USP36: variants seen among roughly 807,000 people sequenced by gnomAD.
The protein encoded by USP36 is ubiquitin specific peptidase 36.
USP36 carries 59 observed loss-of-function variants against 111.5 expected under a neutral mutation model. The ratio of observed to expected loss-of-function variants is 0.53; its 90% CI spans 0.43 to 0.66. USP36 has a LOEUF of 0.66. Among genes scored for constraint, USP36 ranks in the 30% least tolerant of loss-of-function variants. The pLI, the probability that USP36 is intolerant of heterozygous loss-of-function variation, is 0.00. For missense variants in USP36, 1,488 were observed against 1,468.0 expected (o/e 1.01, Z -0.22); for synonymous variants, 628 against 581.0 (o/e 1.08, Z -1.16).
At chr17:78,815,698 A>G (rs1200186119) in intron 10 of USP36, among the ~76,000 whole-genome samples, 1 of 125,448 alleles carries the variant, frequency 8.0e-6, no homozygotes, top group Admixed American at 7.9e-5. Context: ...AAAACTGACC[A>G]ATTTTTCATA....
chr17:78,813,467 G>A (rs934007287), intron 12 of USP36, among the ~76,000 whole-genome samples: 1 of 152,146 alleles, frequency 6.6e-6, no homozygotes, highest in East Asian at 1.9e-4. Context: ...ACACGGGAAG[G>A]GGCATTGGCT....
chr17:78,816,354 G>C (rs1401935241), intron 10 of USP36, among the ~76,000 whole-genome samples: 1 of 151,998 alleles, frequency 6.6e-6, no homozygotes, highest in Non-Finnish European at 1.5e-5. Context: ...GGCCGGGCAT[G>C]ATGGCTCACA....
intron 9 of USP36, chr17:78,819,029 C>T (rs2094254789): frequency 3.1e-6 from 1 of 325,060 alleles, no homozygotes; most frequent in African/African-American, 2.1e-5. Flanking sequence ...CTGTACCCAC[C>T]AGGAAACTAA....
chr17:78,823,304 G>C, intron 6 of USP36: 1 of 397,634 alleles, frequency 2.5e-6, no homozygotes, highest in East Asian at 3.6e-5. Context: ...TGAGAACTGT[G>C]GGTAGCTGCG....
intron 17 of USP36, 116 bp from the exon 18 acceptor site, chr17:78,799,884 T>A (rs2093697828): frequency 3.7e-6 from 2 of 539,512 alleles, no homozygotes; most frequent in Non-Finnish European, 5.6e-6. Context: ...TGCCTTTTTT[T>A]TTTTTTTTTT....
In USP36 at chr17:78,798,650, C is replaced by A; in HGVS notation, c.3241-99G>T. On this transcript the variant is annotated intron_variant, in intron 19 of 20. Coordinates refer to ENST00000449938, the MANE Select transcript of USP36 (RefSeq NM_001385174.1). The surrounding 1 kb of genome is among the most constrained non-coding windows in gnomAD (Gnocchi z 5.1). ...GCAGGTCCTGCACACAGGCCGGGCTCTCATGAGCTCTCTGGAGACCCACTC... is the reference window on the plus strand; with the variant it reads ...GCAGGTCCTGCACACAGGCCGGGCTATCATGAGCTCTCTGGAGACCCACTC... 1 of 1,553,092 alleles carries A rather than the reference C, an allele frequency of 6.4e-7. No homozygotes were observed.
Position 78,797,081 on chromosome 17 carries a change from A to G in USP36, c.*819T>C, listed in dbSNP as rs2093640417. On this transcript the variant is annotated 3_prime_UTR_variant, in exon 21 of 21. Coordinates refer to ENST00000449938, the MANE Select transcript of USP36 (RefSeq NM_001385174.1). ...AAGCCACAGGACTGGTCAAAAATAA[A>G]TGTTTTGTATTAAGTAGTAAAATAA... The G allele has an allele frequency of 6.6e-6, 1 of 152,202 alleles. No homozygotes were observed. The highest frequency in any genetic ancestry group is 2.4e-5 in the African/African-American group (1 of 41,448). 9.4% of individuals were successfully genotyped at this position (152,202 alleles called of 1,614,324 possible). A position where few individuals can be genotyped will look rare whatever the true frequency, so the allele number is the denominator to read the frequency against.
downstream of USP36, among the ~76,000 whole-genome samples, chr17:78,793,515 G>A (rs866606914): frequency 5.3e-5 from 8 of 152,308 alleles, no homozygotes; most frequent in Admixed American, 2.0e-4. Context: ...GGATCTGCAC[G>A]AAGCAGCAGC....
chr17:78,807,663 A>T, intron 13 of USP36, 27 bp from the exon 14 acceptor site: 1 of 1,510,536 alleles, frequency 6.6e-7, no homozygotes, highest in East Asian at 2.3e-5. Flanking sequence ...AGAAAACACA[A>T]CTGAGGAAGC....
At position 78,820,977 on chromosome 17, in the gene USP36, G is replaced by A. The variant is rs8182240; in HGVS notation, c.828+14C>T. 5.2e-5 allele frequency: 83 copies of A among 1,605,020 alleles called. 1 individual carries two copies. The East Asian group carries it at 1.7e-3, about 32-fold the overall frequency. Reference sequence around the variant, plus strand: ...TCTCCTACTGCAAAAGTGAAGGGCAGGACAGATCTGTACCCGGATCTCCAG... The same window carrying A: ...TCTCCTACTGCAAAAGTGAAGGGCAAGACAGATCTGTACCCGGATCTCCAG... On this transcript the variant is annotated intron_variant, in intron 8 of 20. Transcript: ENST00000449938.
chr17:78,809,529 C>T (rs906409122), intron 13 of USP36, among the ~76,000 whole-genome samples: 1 of 152,068 alleles, frequency 6.6e-6, no homozygotes, highest in Non-Finnish European at 1.5e-5. Context: ...GTCAGTGAAG[C>T]GCCCCTGCAG....
intron 1 of USP36, among the ~76,000 whole-genome samples, chr17:78,839,341 A>G (rs977337983): frequency 6.6e-6 from 1 of 152,158 alleles, no homozygotes; most frequent in Non-Finnish European, 1.5e-5. Flanking sequence ...TCCCCAGGTA[A>G]TTCTACAGCA....
intron 3 of USP36, among the ~76,000 whole-genome samples, chr17:78,790,105 T>C (rs913015897): frequency 8.5e-5 from 13 of 152,158 alleles, no homozygotes; most frequent in Non-Finnish European, 1.3e-4. Flanking sequence ...TTTTTTTTTT[T>C]TGAGACGAAG....
rs762990745 is a variant in USP36 at position 78,807,521 on chromosome 17, T to C, written c.1523A>G (p.Lys508Arg). Residue 508 changes from lysine (K) to arginine (R), a missense_variant, in exon 14 of 21, where the codon AAG becomes AGG. Physicochemically the swap from Lys to Arg is conservative, Grantham distance 26. Around this residue, in one of 3 missense-constraint regions of USP36, gnomAD observed 1,073 missense variants for 994.1 expected, o/e 1.08. Transcript: ENST00000449938. ...LKSQNGCIPP[K>R]LPSGSPSPKL... is the part of the protein sequence containing the mutation. ...GGGGGAAGGGGACCCCGAGGGCAGC[T>C]TTGGAGGAATGCAGCCGTTCTGGGA... The C allele has an allele frequency of 6.2e-7, 1 of 1,613,766 alleles. No homozygotes were observed. The highest frequency in any genetic ancestry group is 1.1e-5 in the South Asian group (1 of 91,008).
chr17:78,803,261 C>T lies in USP36; in HGVS notation c.2810+124G>A. 9.3e-7 allele frequency: 1 copy of T among 1,079,504 alleles called. No homozygotes were observed. The highest frequency in any genetic ancestry group is 1.3e-6 in the Non-Finnish European group (1 of 752,996). 66.9% of individuals were successfully genotyped at this position (1,079,504 alleles called of 1,614,324 possible). A position where few individuals can be genotyped will look rare whatever the true frequency, so the allele number is the denominator to read the frequency against. Reference sequence around the variant, plus strand: ...CAGAGGAGACATCTGATCACAAATCCACATTTTAGAAAACCACGCAAGCAG... The same window carrying T: ...CAGAGGAGACATCTGATCACAAATCTACATTTTAGAAAACCACGCAAGCAG... On this transcript the variant is annotated intron_variant, in intron 16 of 20. Transcript: ENST00000449938. The surrounding 1 kb of genome is among the most constrained non-coding windows in gnomAD (Gnocchi z 4.6).
In USP36 at chr17:78,819,888, C is replaced by T. The variant is rs73394990; in HGVS notation, c.911+42G>A. 7,518 of 1,597,332 alleles carry T rather than the reference C, an allele frequency of 4.7e-3. 316 individuals carry two copies. The African/African-American group carries it at 0.086, about 18-fold the overall frequency. On this transcript the variant is annotated intron_variant, in intron 9 of 20. Transcript: ENST00000449938. The stretch of plus-strand genomic sequence containing the variant: ...CTGTCAGGTGAGGGGACTTATTTCC[C>T]GTCTGGTATCAGTCTTCTGCCACAA...
intron 6 of USP36, among the ~76,000 whole-genome samples, chr17:78,825,667 C>A (rs1416195862): frequency 1.3e-5 from 2 of 152,212 alleles, no homozygotes. Context: ...CTACTCCTCA[C>A]GAATTTCTTC....
At chr17:78,793,833 CT>C (rs2093602535), downstream of USP36, among the ~76,000 whole-genome samples, 1 of 152,126 alleles carries the variant, frequency 6.6e-6, no homozygotes, top group African/African-American at 2.4e-5. Context: ...GACACCTGGG[CT>C]TTTTCCTAAC....
intron 4 of USP36, among the ~76,000 whole-genome samples, chr17:78,833,133 A>G (rs12948018): frequency 0.54 from 81,704 of 151,792 alleles, 22,031 homozygotes; most frequent in East Asian, 0.62. Flanking sequence ...GGGCGACAGA[A>G]CGAGACTCCA....
Sources: allele counts gnomAD v4.1 joint callset (sites outside exome capture counted in the v4.1 genomes callset), GRCh38; gene constraint gnomAD v4.1.1; regional missense constraint gnomAD v4.1.1; non-coding constraint Gnocchi (gnomAD v3.1); transcripts MANE v1.5; gene names NCBI Gene and HGNC (gene_info 2026-07-23, HGNC 2026-07-21).